The following ME3 variants were observed in gnomAD, a reference collection of about 807,000 sequenced individuals.
The protein encoded by ME3 is NADP-dependent malic enzyme, mitochondrial.
Under a neutral mutation model 68.9 loss-of-function variants are expected in ME3, and 48 were observed. The ratio of observed to expected loss-of-function variants is 0.70; its 90% CI spans 0.55 to 0.89. The LOEUF (loss-of-function observed/expected upper bound fraction) is 0.89, where lower values mean the gene tolerates loss of function less well. ME3 is among the 40% of genes least tolerant of loss of function. ME3 has a pLI of 0.00. For synonymous variants in ME3, 320 were observed against 318.8 expected, an observed-to-expected ratio of 1.00 and a Z score of -0.04; for missense variants, 675 against 797.4, an observed-to-expected ratio of 0.85 and a Z score of 1.85.
At chr11:86,644,449 C>A (rs1944872805) in intron 2 of ME3, among the ~76,000 whole-genome samples, 1 of 152,186 alleles carries the variant, frequency 6.6e-6, no homozygotes, top group Non-Finnish European at 1.5e-5. Flanking sequence ...AGGCCTGGGA[C>A]AATCTGACCC....
At chr11:86,474,682 C>T (rs1250232767) in intron 7 of ME3, among the ~76,000 whole-genome samples, 2 of 152,112 alleles carry the variant, frequency 1.3e-5, no homozygotes, top group Non-Finnish European at 2.9e-5. Context: ...TTAATGAGGC[C>T]CTTTCTGAGT....
chr11:86,440,641 T>C (rs1317536737), downstream of ME3, among the ~76,000 whole-genome samples: 1 of 152,164 alleles, frequency 6.6e-6, no homozygotes, highest in East Asian at 1.9e-4. Context: ...CCTGAATAGT[T>C]AGCGAGCTGC....
intron 13 of ME3, among the ~76,000 whole-genome samples, chr11:86,444,456 A>G (rs948854032): frequency 1.3e-5 from 2 of 152,178 alleles, no homozygotes; most frequent in East Asian, 3.9e-4. Context: ...GACCTGACCT[A>G]TGTTTTGAAG....
chr11:86,447,010 A>G, intron 12 of ME3, 55 bp downstream of exon 12: 4 of 1,587,498 alleles, frequency 2.5e-6, no homozygotes, highest in Non-Finnish European at 1.7e-6. Flanking sequence ...GAGGTTACTC[A>G]TTGTAATTGT....
intron 2 of ME3, among the ~76,000 whole-genome samples, chr11:86,580,807 T>C (rs1296419832): frequency 1.3e-5 from 2 of 152,254 alleles, no homozygotes; most frequent in Non-Finnish European, 2.9e-5. Flanking sequence ...GCACAAATTT[T>C]AAGCATTGCA....
At chr11:86,523,510 C>CT (rs1327289460) in intron 4 of ME3, among the ~76,000 whole-genome samples, 1 of 151,820 alleles carries the variant, frequency 6.6e-6, no homozygotes, top group Non-Finnish European at 1.5e-5. Flanking sequence ...TGTTTGTACT[C>CT]TTTTTTTTCT....
intron 4 of ME3, among the ~76,000 whole-genome samples, chr11:86,529,742 A>G (rs929051500): frequency 3.3e-5 from 5 of 152,250 alleles, no homozygotes; most frequent in African/African-American, 9.6e-5. Flanking sequence ...TATAAACAGA[A>G]CCAAAGACAA....
intron 5 of ME3, among the ~76,000 whole-genome samples, chr11:86,507,545 A>C (rs543700861): frequency 3.9e-5 from 6 of 152,162 alleles, no homozygotes; most frequent in African/African-American, 1.4e-4. Context: ...CATTTTTGCC[A>C]CACCCATTTT....
In ME3 at chr11:86,462,722, C is replaced by T. The variant is rs138850916; in HGVS notation, c.919+2369G>A. The T allele has an allele frequency of 3.1e-4, 182 of 582,406 alleles. No individual in the cohort carries two copies. The Middle Eastern group carries it at 8.3e-3, about 27-fold the overall frequency. 36.1% of individuals were successfully genotyped at this position (582,406 alleles called of 1,614,324 possible). On this transcript the variant is annotated intron_variant, in intron 8 of 14. Coordinates refer to ENST00000543262, the Ensembl canonical transcript of ME3. ...AAGGCATGGTTCTTGCCTCCAGAAG[C>T]TTATTATCTTCTGGGAAGGCAGACA...
chr11:86,482,555 A>C (rs1023123914), intron 7 of ME3, among the ~76,000 whole-genome samples: 18 of 149,406 alleles, frequency 1.2e-4, no homozygotes, highest in Non-Finnish European at 2.4e-4. Flanking sequence ...CCTAGTATTT[A>C]TTTCCTTGTA....
rs187507179 is a variant in ME3 at position 86,551,264 on chromosome 11, A to G, written c.467+5289T>C. ...CCCTCATAATGATGCCACAAGGTGGATAGTTCCTGTGATCCGAGCTTGGAG... is the reference window on the plus strand; with the variant it reads ...CCCTCATAATGATGCCACAAGGTGGGTAGTTCCTGTGATCCGAGCTTGGAG... On this transcript the variant is annotated intron_variant, in intron 4 of 14. Transcript: ENST00000543262. Among the ~76,000 whole-genome samples, 33 of 152,244 alleles carry G rather than the reference A, an allele frequency of 2.2e-4. No individual in the cohort carries two copies. The East Asian group carries it at 6.0e-3, about 28-fold the overall frequency.
At chr11:86,516,351 A>ATCTCTC (rs138871212) in intron 4 of ME3, among the ~76,000 whole-genome samples, 1 of 134,218 alleles carries the variant, frequency 7.5e-6, no homozygotes, top group Non-Finnish European at 1.6e-5. Context: ...AGTAAATAAA[A>ATCTCTC]TCTCTCTCTC....
chr11:86,479,944 A>G (rs1434893710), intron 7 of ME3, among the ~76,000 whole-genome samples: 2 of 151,954 alleles, frequency 1.3e-5, no homozygotes, highest in African/African-American at 4.8e-5. Context: ...CCTCCTGAGT[A>G]GCTGAGATTA....
At chr11:86,624,617 A>T (rs1342597425) in intron 2 of ME3, among the ~76,000 whole-genome samples, 3 of 152,250 alleles carry the variant, frequency 2.0e-5, no homozygotes, top group Admixed American at 2.0e-4. Flanking sequence ...TGCTTTAAAA[A>T]TAGCCTATGT....
intron 2 of ME3, among the ~76,000 whole-genome samples, chr11:86,578,180 C>A (rs916517515): frequency 1.3e-5 from 2 of 152,138 alleles, no homozygotes; most frequent in Admixed American, 1.3e-4. Context: ...TGTTTCATGA[C>A]CCTCTCTTCC....
intron 8 of ME3, among the ~76,000 whole-genome samples, chr11:86,450,639 A>G (rs1949576119): frequency 6.6e-6 from 1 of 152,270 alleles, no homozygotes; most frequent in African/African-American, 2.4e-5. Flanking sequence ...AGATGGGATC[A>G]GATAGCCAGG....
chr11:86,535,467 A>C (rs1448212195), intron 4 of ME3, among the ~76,000 whole-genome samples: 1 of 152,126 alleles, frequency 6.6e-6, no homozygotes, highest in African/African-American at 2.4e-5. Context: ...GTAGGACATA[A>C]TCTCATTTCA....
intron 6 of ME3, among the ~76,000 whole-genome samples, chr11:86,497,700 T>C (rs993498889): frequency 2.0e-5 from 3 of 151,954 alleles, no homozygotes; most frequent in African/African-American, 4.8e-5. Flanking sequence ...GCAGGGGTCA[T>C]TGTGGGTACA....
intron 1 of ME3, 129 bp from the exon 2 acceptor site, chr11:86,672,087 A>C: frequency 3.9e-6 from 3 of 762,468 alleles, no homozygotes; most frequent in South Asian, 3.3e-5. Flanking sequence ...AAAGGGTTAA[A>C]TGTTCCAGCC....
Sources: allele counts gnomAD v4.1 joint callset (sites outside exome capture counted in the v4.1 genomes callset), GRCh38; gene constraint gnomAD v4.1.1; transcripts MANE v1.5; gene names NCBI Gene and HGNC (gene_info 2026-07-23, HGNC 2026-07-21).